TCF12: variants seen among roughly 807,000 people sequenced by gnomAD.
TCF12 encodes transcription factor 12.
In TCF12, 45 loss-of-function variants were observed where a neutral mutation model predicts 86.0. The observed-to-expected ratio is 0.52, with a 90% CI of 0.41 to 0.67. The LOEUF (loss-of-function observed/expected upper bound fraction) is 0.67, where lower values mean the gene tolerates loss of function less well. TCF12 is among the 30% of genes least tolerant of loss of function. The pLI is 0.00. For synonymous variants in TCF12, 330 were observed against 299.6 expected, an observed-to-expected ratio of 1.10 and a Z score of -1.05; for missense variants, 881 against 859.9, an observed-to-expected ratio of 1.02 and a Z score of -0.31.
intron 18 of TCF12, among the ~76,000 whole-genome samples, chr15:57,266,557 C>T (rs1424036843): frequency 6.6e-6 from 1 of 151,950 alleles, no homozygotes; most frequent in Non-Finnish European, 1.5e-5. Flanking sequence ...TTTTAACAAA[C>T]AATTAAATAG....
intron 8 of TCF12, among the ~76,000 whole-genome samples, chr15:57,217,688 ATAAT>A (rs573550286): frequency 9.7e-4 from 148 of 152,292 alleles, no homozygotes; most frequent in Non-Finnish European, 1.7e-3. Flanking sequence ...GTTATTTTTA[ATAAT>A]TAATAGAAAA....
At chr15:57,127,122 A>C (rs1198794290) in intron 5 of TCF12, among the ~76,000 whole-genome samples, 1 of 151,716 alleles carries the variant, frequency 6.6e-6, no homozygotes, top group Non-Finnish European at 1.5e-5. Flanking sequence ...AGCTGGGATT[A>C]CACGCACCCA....
chr15:56,993,844 C>T (rs2063569993), intron 3 of TCF12, among the ~76,000 whole-genome samples: 1 of 152,104 alleles, frequency 6.6e-6, no homozygotes, highest in Non-Finnish European at 1.5e-5. Flanking sequence ...GTTAAAATTC[C>T]CAGGTTATAA....
chr15:57,096,069 T>C (rs1364584954), intron 5 of TCF12, among the ~76,000 whole-genome samples: 1 of 152,176 alleles, frequency 6.6e-6, no homozygotes, highest in African/African-American at 2.4e-5. Flanking sequence ...AGATACCTGT[T>C]GTTTCTTCAT....
At chr15:57,092,755 A>G (rs1392270504) in intron 5 of TCF12, among the ~76,000 whole-genome samples, 3 of 152,180 alleles carry the variant, frequency 2.0e-5, no homozygotes, top group African/African-American at 2.4e-5. Flanking sequence ...TTTACCAGTT[A>G]TGGCATCATA....
intron 20 of TCF12, among the ~76,000 whole-genome samples, chr15:57,283,875 T>G (rs1179458386): frequency 6.6e-6 from 1 of 152,106 alleles, no homozygotes; most frequent in African/African-American, 2.4e-5. Context: ...AGACTACATA[T>G]AGGGTCAAAC....
At chr15:57,027,749 A>T (rs896031245) in intron 3 of TCF12, among the ~76,000 whole-genome samples, 1 of 152,092 alleles carries the variant, frequency 6.6e-6, no homozygotes. Flanking sequence ...GTGTCTCAGG[A>T]TTCCCCACGT....
chr15:57,233,023 A>G (rs1350917331), intron 11 of TCF12, among the ~76,000 whole-genome samples, 167 bp downstream of exon 11: 8 of 118,196 alleles, frequency 6.8e-5, no homozygotes, highest in African/African-American at 1.8e-4. Context: ...ATATATGTAT[A>G]TATGTGTGTA....
At chr15:57,155,458 T>C (rs2054049029) in intron 5 of TCF12, among the ~76,000 whole-genome samples, 1 of 152,080 alleles carries the variant, frequency 6.6e-6, no homozygotes, top group South Asian at 2.1e-4. Flanking sequence ...TCAATGAAAA[T>C]TGAACATGTC....
At chr15:57,176,560 C>G (rs1195551317) in intron 6 of TCF12, among the ~76,000 whole-genome samples, 1 of 152,156 alleles carries the variant, frequency 6.6e-6, no homozygotes, top group Non-Finnish European at 1.5e-5. Context: ...ATTGTTGCTG[C>G]TGTTGCGTCT....
intron 2 of TCF12, 82 bp downstream of exon 2, chr15:56,920,070 G>A: frequency 6.6e-7 from 1 of 1,512,910 alleles, no homozygotes; most frequent in African/African-American, 1.4e-5. Flanking sequence ...AATAAAGGGT[G>A]AGGGGAAGCA....
At chr15:56,984,109 A>T (rs947631797) in intron 3 of TCF12, among the ~76,000 whole-genome samples, 6 of 144,842 alleles carry the variant, frequency 4.1e-5, no homozygotes, top group African/African-American at 1.2e-4. Context: ...AGAGAGAAAG[A>T]TACGTTGTTC....
intron 3 of TCF12, among the ~76,000 whole-genome samples, chr15:56,954,690 T>C (rs2061425388): frequency 6.6e-6 from 1 of 152,046 alleles, no homozygotes; most frequent in Non-Finnish European, 1.5e-5. Flanking sequence ...AGGGCTAATA[T>C]CCAGAATCTA....
chr15:57,141,660 A>G (rs991429775), intron 5 of TCF12, among the ~76,000 whole-genome samples: 2 of 152,158 alleles, frequency 1.3e-5, no homozygotes, highest in East Asian at 3.8e-4. Flanking sequence ...ACTCGCTGTT[A>G]TTTTTAATTA....
chr15:57,076,036 G>A (rs1470570052), intron 4 of TCF12, among the ~76,000 whole-genome samples: 3 of 150,940 alleles, frequency 2.0e-5, no homozygotes, highest in Admixed American at 1.3e-4. Context: ...CTAATTTTTT[G>A]TAGAGACAGG....
At chr15:57,179,553 A>C (rs978262120) in intron 6 of TCF12, among the ~76,000 whole-genome samples, 9 of 152,080 alleles carry the variant, frequency 5.9e-5, no homozygotes, top group African/African-American at 9.7e-5. Context: ...TTTTTTTTAA[A>C]GATTGGGCTG....
At chr15:57,067,178 A>G (rs2150978767) in intron 4 of TCF12, among the ~76,000 whole-genome samples, 1 of 152,310 alleles carries the variant, frequency 6.6e-6, no homozygotes, top group South Asian at 2.1e-4. Flanking sequence ...TGGTTATCAG[A>G]AGTACCTACA....
intron 20 of TCF12, among the ~76,000 whole-genome samples, chr15:57,285,678 G>A (rs1237756624): frequency 2.6e-5 from 4 of 152,208 alleles, no homozygotes; most frequent in African/African-American, 9.6e-5. Context: ...TTGCCAACTT[G>A]AGTGTTATTA....
At chr15:57,057,874 T>G (rs1471014656) in intron 3 of TCF12, among the ~76,000 whole-genome samples, 1 of 152,216 alleles carries the variant, frequency 6.6e-6, no homozygotes, top group South Asian at 2.1e-4. Flanking sequence ...TTTTTGTTTT[T>G]CCTTTCTTAA....
Sources: allele counts gnomAD v4.1 joint callset (sites outside exome capture counted in the v4.1 genomes callset), GRCh38; gene constraint gnomAD v4.1.1; transcripts MANE v1.5; gene names NCBI Gene and HGNC (gene_info 2026-07-23, HGNC 2026-07-21).